The following BBS9 variants were observed in gnomAD, a reference collection of about 807,000 sequenced individuals.
BBS9 encodes the protein protein PTHB1.
In BBS9, 89 loss-of-function variants were observed where a neutral mutation model predicts 117.7. That is an observed-to-expected ratio of 0.76 (90% CI 0.64 to 0.90). The LOEUF (loss-of-function observed/expected upper bound fraction) is 0.90. BBS9 is among the 40% of genes least tolerant of loss of function. The pLI is 0.00. For missense variants in BBS9, 982 were observed against 1,042.2 expected (o/e 0.94, Z 0.80); for synonymous variants, 379 against 370.9 (o/e 1.02, Z -0.25).
chr7:33,317,468 A>G, intron 9 of BBS9, among the ~76,000 whole-genome samples: 1 of 151,486 alleles, frequency 6.6e-6, no homozygotes, highest in South Asian at 2.1e-4. Context: ...TTTTTTAACA[A>G]TATTAAGTCT....
At chr7:33,366,900 A>G (rs114419752) in intron 16 of BBS9, among the ~76,000 whole-genome samples, 1,692 of 152,282 alleles carry the variant, frequency 0.011, 34 homozygotes, top group African/African-American at 0.039. Flanking sequence ...ATCTACAGCT[A>G]GCAGAGTCAA....
At chr7:33,538,127 A>G (rs9639677) in intron 21 of BBS9, among the ~76,000 whole-genome samples, 72,140 of 151,968 alleles carry the variant, frequency 0.47, 17,830 homozygotes, top group South Asian at 0.57. Flanking sequence ...TCTTAATGTG[A>G]TCAAATGACT....
chr7:33,564,559 A>AT (rs1856571028), intron 21 of BBS9, among the ~76,000 whole-genome samples: 1 of 152,166 alleles, frequency 6.6e-6, no homozygotes, highest in Non-Finnish European at 1.5e-5. Context: ...TCAATTCACG[A>AT]TGACTTTTCG....
intron 5 of BBS9, among the ~76,000 whole-genome samples, chr7:33,238,562 G>A (rs1793933718): frequency 6.6e-6 from 1 of 152,130 alleles, no homozygotes; most frequent in African/African-American, 2.4e-5. Context: ...CAAAAGTGCT[G>A]AGATTACAGG....
chr7:33,536,565 T>C lies in BBS9; in HGVS notation c.2521+2389T>C, dbSNP rs77820399. On this transcript the variant is annotated intron_variant, in intron 21 of 22. Transcript: ENST00000242067. ...TCATGGTTACTGGAAGGGTTAGATCTAGAATCCAAATCTCCCAGCCCACTG... is the reference window on the plus strand; with the variant it reads ...TCATGGTTACTGGAAGGGTTAGATCCAGAATCCAAATCTCCCAGCCCACTG... 2.1e-3 allele frequency among the ~76,000 whole-genome samples: 322 copies of C among 151,114 alleles called. 1 individual carries two copies. The highest frequency in any genetic ancestry group is 7.4e-3 in the African/African-American group (306 of 41,166).
At chr7:33,405,188 A>T (rs1314316558) in intron 19 of BBS9, among the ~76,000 whole-genome samples, 1 of 152,188 alleles carries the variant, frequency 6.6e-6, no homozygotes, top group Non-Finnish European at 1.5e-5. Flanking sequence ...CATCCCAGGG[A>T]TGAAGCCCAC....
intron 21 of BBS9, among the ~76,000 whole-genome samples, chr7:33,553,414 T>C (rs1358448787): frequency 6.6e-6 from 1 of 152,242 alleles, no homozygotes; most frequent in Non-Finnish European, 1.5e-5. Flanking sequence ...CTCAGGGACC[T>C]TGTGGCCTCA....
At chr7:33,502,903 A>G (rs1028529161) in intron 19 of BBS9, among the ~76,000 whole-genome samples, 22 of 152,208 alleles carry the variant, frequency 1.4e-4, no homozygotes, top group African/African-American at 5.3e-4. Context: ...AAAATGCAGG[A>G]AGAAAGCGCT....
At chr7:33,205,077 T>G (rs1203125170) in intron 5 of BBS9, among the ~76,000 whole-genome samples, 1 of 152,224 alleles carries the variant, frequency 6.6e-6, no homozygotes, top group Non-Finnish European at 1.5e-5. Flanking sequence ...ATAGCCTACC[T>G]GTTTTTATTG....
At chr7:33,194,260 A>C (rs956239622) in intron 5 of BBS9, among the ~76,000 whole-genome samples, 21 of 152,128 alleles carry the variant, frequency 1.4e-4, no homozygotes, top group Middle Eastern at 3.2e-3. Flanking sequence ...TGAGAGTTTT[A>C]ATGAAATTTT....
In BBS9 at chr7:33,488,474, G is replaced by A. The variant is rs563481837; in HGVS notation, c.2116-16989G>A. Among the ~76,000 whole-genome samples, 7 of 152,214 alleles carry A rather than the reference G, an allele frequency of 4.6e-5. No homozygotes were observed. In the East Asian group the frequency reaches 1.4e-3, roughly 29 times the overall value. ...CCTTAAAGGAGGATGTTGATGTGAG[G>A]GGTTAGCCCTGGTTCCAGTACTAAC... On this transcript the variant is annotated intron_variant, in intron 19 of 22. Transcript: ENST00000242067.
rs901303724 is a variant in BBS9 at position 33,197,107 on chromosome 7, GA to G, written c.442+19526del. Among the ~76,000 whole-genome samples, 9 of 149,520 alleles carry G rather than the reference GA, an allele frequency of 6.0e-5. No homozygotes were observed. In the South Asian group the frequency reaches 1.1e-3, roughly 18 times the overall value. On this transcript the variant is annotated intron_variant, in intron 5 of 22. Transcript: ENST00000242067. Reference sequence around the variant, plus strand: ...AATTTGAGGTTTCTTAGTGTTGTTTGAAAAAAAAAATAATTTCTTTCATGGT... The same window carrying G: ...AATTTGAGGTTTCTTAGTGTTGTTTGAAAAAAAAATAATTTCTTTCATGGT...
At chr7:33,373,894 A>G (rs1052969052) in intron 17 of BBS9, among the ~76,000 whole-genome samples, 22 of 152,204 alleles carry the variant, frequency 1.4e-4, no homozygotes, top group African/African-American at 4.8e-4. Flanking sequence ...GCATCTTCCA[A>G]AAGAAATCAT....
intron 21 of BBS9, among the ~76,000 whole-genome samples, chr7:33,551,410 T>G (rs1043714652): frequency 6.6e-6 from 1 of 152,204 alleles, no homozygotes; most frequent in Non-Finnish European, 1.5e-5. Flanking sequence ...TACCTGCTTT[T>G]GAAAGAGATG....
chr7:33,595,770 C>T (rs1019664441), intron 21 of BBS9, among the ~76,000 whole-genome samples: 6 of 152,028 alleles, frequency 3.9e-5, no homozygotes, highest in Non-Finnish European at 5.9e-5. Context: ...ATGAAACCAA[C>T]CCAAAACCCA....
chr7:33,221,930 A>G (rs897904117), intron 5 of BBS9, among the ~76,000 whole-genome samples: 1 of 152,196 alleles, frequency 6.6e-6, no homozygotes, highest in Admixed American at 6.5e-5. Context: ...CACATATATG[A>G]TATGAAATAC....
intron 20 of BBS9, among the ~76,000 whole-genome samples, chr7:33,524,744 T>C (rs1315364331): frequency 1.1e-4 from 17 of 152,288 alleles, no homozygotes; most frequent in African/African-American, 3.8e-4. Flanking sequence ...GTGTCTCTAT[T>C]TCCTTCAGTT....
chr7:33,386,603 G>A (rs928062373), intron 18 of BBS9, among the ~76,000 whole-genome samples: 3 of 151,846 alleles, frequency 2.0e-5, no homozygotes, highest in African/African-American at 7.3e-5. Flanking sequence ...CCATTCTCCT[G>A]CCTCAGCCTC....
intron 21 of BBS9, among the ~76,000 whole-genome samples, chr7:33,628,359 G>C (rs1268839519): frequency 6.6e-6 from 1 of 152,168 alleles, no homozygotes; most frequent in Non-Finnish European, 1.5e-5. Flanking sequence ...TCATAACCAG[G>C]TGGGGTTTAC....
Sources: gnomAD v4.1 joint callset for allele counts (sites outside exome capture counted in the v4.1 genomes callset) on GRCh38, gnomAD v4.1.1 for gene constraint, MANE v1.5 for transcripts, NCBI Gene and HGNC (gene_info 2026-07-23, HGNC 2026-07-21) for gene names.